The following ATP10B variants were observed in gnomAD, a reference collection of about 807,000 sequenced individuals.
ATP10B encodes the protein ATPase phospholipid transporting 10B (putative).
Under a neutral mutation model 141.2 loss-of-function variants are expected in ATP10B, and 122 were observed. That is an observed-to-expected ratio of 0.86 (90% confidence interval 0.75 to 1.00). ATP10B has a LOEUF of 1.00. Among genes scored for constraint, ATP10B ranks in the 50% least tolerant of loss-of-function variants. The pLI is 0.00. For missense variants in ATP10B, 1,876 were observed against 1,825.3 expected (o/e 1.03, Z -0.51); for synonymous variants, 685 against 692.0 (o/e 0.99, Z 0.16).
At chr5:160,671,721 A>C (rs1283110188) in intron 6 of ATP10B, among the ~76,000 whole-genome samples, 1 of 152,238 alleles carries the variant, frequency 6.6e-6, no homozygotes, top group African/African-American at 2.4e-5. Flanking sequence ...ACTTGTGTTC[A>C]TTAACATTTC....
At chr5:160,900,485 C>T in the ATP10B span, among the ~76,000 whole-genome samples, 5 of 152,134 alleles carry the variant, frequency 3.3e-5, no homozygotes, top group Admixed American at 1.3e-4. Flanking sequence ...ACCTCCGTCC[C>T]CTCCAGAGTC....
At chr5:160,568,523 G>A (rs1041335366) in intron 25 of ATP10B, among the ~76,000 whole-genome samples, 19 of 152,186 alleles carry the variant, frequency 1.2e-4, no homozygotes, top group Admixed American at 9.2e-4. Flanking sequence ...GATGGAGAGA[G>A]GCTAAGTCTT....
At chr5:160,787,535 T>G (rs1771260557) in intron 1 of ATP10B, among the ~76,000 whole-genome samples, 1 of 152,250 alleles carries the variant, frequency 6.6e-6, no homozygotes, top group South Asian at 2.1e-4. Context: ...ATGGCACTGC[T>G]GTGAGACTTT....
In ATP10B at chr5:160,809,676, T is replaced by C. The variant is rs549547916; in HGVS notation, c.-575-23873A>G. On this transcript the variant is annotated intron_variant, in intron 1 of 25. Transcript: ENST00000327245. ...CTGTAATTTAGTTTTTCTCTCTTAC[T>C]GTGCTTGTCTGGTTTTGACTTCAAG... Among the ~76,000 whole-genome samples, 11 of 152,300 alleles carry C rather than the reference T, an allele frequency of 7.2e-5. No individual in the cohort carries two copies. The South Asian group carries it at 2.3e-3, about 32-fold the overall frequency.
At chr5:160,874,100 A>T in the ATP10B span, among the ~76,000 whole-genome samples, 2 of 152,104 alleles carry the variant, frequency 1.3e-5, no homozygotes, top group Non-Finnish European at 1.5e-5. Context: ...ACAAACAAAA[A>T]GACAGCAGTA....
chr5:160,622,547 C>A lies in ATP10B; in HGVS notation c.1659G>T (p.Lys553Asn), dbSNP rs767347612. ...CCAACCACAGGGCAGCATCTCGAAC[C>A]TTGGTCAGTAGGTTTTTATCTGGAG... ...DVTPDKNLLTKVRDAALWLET... is the reference protein window; with the variant it reads ...DVTPDKNLLTNVRDAALWLET... Residue 553 changes from lysine to asparagine, a missense_variant, in exon 14 of 26, where the codon AAG becomes AAT. Coordinates refer to ENST00000327245, the MANE Select transcript of ATP10B (RefSeq NM_025153.3). 2 of 1,613,636 alleles carry A rather than the reference C, an allele frequency of 1.2e-6. No homozygotes were observed. Among genetic ancestry groups the A allele is most frequent in the South Asian group, 1.1e-5 (1 of 90,986 alleles).
chr5:160,700,075 A>G (rs563719967), intron 3 of ATP10B, among the ~76,000 whole-genome samples: 94 of 152,242 alleles, frequency 6.2e-4, no homozygotes, highest in Admixed American at 1.9e-3. Context: ...AAGCCACAGG[A>G]AAGAGTGGAG....
chr5:160,730,550 G>GA (rs1766668674), intron 2 of ATP10B, among the ~76,000 whole-genome samples: 1 of 151,890 alleles, frequency 6.6e-6, no homozygotes, highest in Non-Finnish European at 1.5e-5. Context: ...GAGATGCTGG[G>GA]AAAAATCAAT....
chr5:160,900,016 G>A, the ATP10B span, among the ~76,000 whole-genome samples: 8 of 152,172 alleles, frequency 5.3e-5, no homozygotes, highest in Non-Finnish European at 7.3e-5. Context: ...CTGGGCAGAC[G>A]TTGTGTCGTT....
chr5:160,801,912 C>G (rs920811912), intron 1 of ATP10B, among the ~76,000 whole-genome samples: 3 of 152,152 alleles, frequency 2.0e-5, no homozygotes, highest in African/African-American at 7.2e-5. Context: ...TTAGCATCTC[C>G]CACCTCATCT....
chr5:160,706,250 T>C (rs1237693686), intron 3 of ATP10B, among the ~76,000 whole-genome samples: 2 of 152,172 alleles, frequency 1.3e-5, no homozygotes. Flanking sequence ...GCACATGCTG[T>C]TGGAAAAATC....
At chr5:160,704,989 G>A (rs1271726557) in intron 3 of ATP10B, among the ~76,000 whole-genome samples, 4 of 131,220 alleles carry the variant, frequency 3.0e-5, no homozygotes, top group Non-Finnish European at 6.1e-5. Context: ...CATGATCTCA[G>A]CTCACTGAAA....
the ATP10B span, among the ~76,000 whole-genome samples, chr5:160,889,156 A>T: frequency 1.3e-5 from 2 of 152,176 alleles, no homozygotes; most frequent in East Asian, 1.9e-4. Flanking sequence ...GTCTTTGGAC[A>T]TTGGTCCCAA....
chr5:160,905,436 T>C, the ATP10B span, among the ~76,000 whole-genome samples: 4 of 152,186 alleles, frequency 2.6e-5, no homozygotes, highest in African/African-American at 9.7e-5. Flanking sequence ...AGGTATAAGA[T>C]AAGACAATCT....
rs1278409402 is a variant in ATP10B at position 160,632,152 on chromosome 5, G to A, written c.1597C>T (p.Pro533Ser). 4 of 1,613,966 alleles carry A rather than the reference G, an allele frequency of 2.5e-6. No individual in the cohort carries two copies. The highest frequency in any genetic ancestry group is 3.4e-6 in the Non-Finnish European group (4 of 1,179,818). The change falls in exon 13 of 26, where the codon CCT (proline) becomes TCT (serine). Residue 533 changes from proline to serine, a missense_variant. Coordinates refer to ENST00000327245, the MANE Select transcript of ATP10B (RefSeq NM_025153.3). ...ACTATGGAGCTGCTGAAGGCCACAG[G>A]AGGCTGTGAGCTTTCACGGTGCCCC... ...SMGHRESSQP[P>S]VAFSSSIEKD...
chr5:160,670,757 A>C, intron 6 of ATP10B, 90 bp from the exon 7 acceptor site: 1 of 1,149,698 alleles, frequency 8.7e-7, no homozygotes, highest in Non-Finnish European at 1.3e-6. Context: ...CCAGCACCTA[A>C]CTATCCACCA....
intron 2 of ATP10B, among the ~76,000 whole-genome samples, chr5:160,749,397 G>A (rs1308483966): frequency 6.6e-6 from 1 of 152,144 alleles, no homozygotes; most frequent in Non-Finnish European, 1.5e-5. Context: ...GAAGGAGCTG[G>A]GGGGTTCATG....
At chr5:160,695,276 T>C (rs1764292778) in intron 3 of ATP10B, among the ~76,000 whole-genome samples, 1 of 152,232 alleles carries the variant, frequency 6.6e-6, no homozygotes, top group Non-Finnish European at 1.5e-5. Flanking sequence ...ATGACTCCAC[T>C]CTAATTTTTA....
At chr5:160,781,684 C>T (rs1027637905) in intron 2 of ATP10B, among the ~76,000 whole-genome samples, 2 of 152,094 alleles carry the variant, frequency 1.3e-5, no homozygotes, top group African/African-American at 4.8e-5. Flanking sequence ...CATAACAGAA[C>T]CCATCCATTT....
Sources: gnomAD v4.1 joint callset for allele counts (sites outside exome capture counted in the v4.1 genomes callset) on GRCh38, gnomAD v4.1.1 for gene constraint, MANE v1.5 for transcripts, NCBI Gene and HGNC (gene_info 2026-07-23, HGNC 2026-07-21) for gene names.